The following THSD4 variants were observed in gnomAD, a reference collection of about 807,000 sequenced individuals.
The protein encoded by THSD4 is thrombospondin type-1 domain-containing protein 4.
Under a neutral mutation model 119.0 loss-of-function variants are expected in THSD4, and 69 were observed. The ratio of observed to expected loss-of-function variants is 0.58; its 90% confidence interval spans 0.48 to 0.71. THSD4 has a LOEUF of 0.71. THSD4 is among the 30% of genes least tolerant of loss of function. The probability of loss-of-function intolerance (pLI) is 0.00; values close to 1 mark genes in which losing one functional copy is unlikely to be tolerated. For missense variants in THSD4, 1,393 were observed against 1,391.1 expected (o/e 1.00, Z -0.02); for synonymous variants, 524 against 540.4 (o/e 0.97, Z 0.42).
intron 8 of THSD4, among the ~76,000 whole-genome samples, chr15:71,677,471 T>C (rs1384091676): frequency 6.6e-6 from 1 of 152,224 alleles, no homozygotes; most frequent in Non-Finnish European, 1.5e-5. Context: ...TGTTGTTTGT[T>C]TTAGCACTCC....
chr15:71,408,744 C>G (rs975330771), intron 6 of THSD4, among the ~76,000 whole-genome samples: 1 of 151,936 alleles, frequency 6.6e-6, no homozygotes, highest in South Asian at 2.1e-4. Context: ...CCCAGCTACT[C>G]GGGAGGCTGA....
At chr15:71,551,071 C>G (rs1268297557) in intron 7 of THSD4, among the ~76,000 whole-genome samples, 8 of 152,208 alleles carry the variant, frequency 5.3e-5, no homozygotes. Context: ...TAGGTCCTTT[C>G]CATCCTACTG....
intron 6 of THSD4, among the ~76,000 whole-genome samples, chr15:71,375,537 G>C (rs1263238095): frequency 6.6e-6 from 1 of 152,158 alleles, no homozygotes; most frequent in Non-Finnish European, 1.5e-5. Flanking sequence ...TTGCCTGTCT[G>C]TGTTACTCCT....
At chr15:71,428,248 G>A (rs1428560151) in intron 7 of THSD4, among the ~76,000 whole-genome samples, 5 of 152,292 alleles carry the variant, frequency 3.3e-5, no homozygotes, top group South Asian at 4.2e-4. Flanking sequence ...CACTTCTACA[G>A]GTACTGTTCC....
At chr15:71,693,795 G>T in intron 8 of THSD4, among the ~76,000 whole-genome samples, 1 of 152,022 alleles carries the variant, frequency 6.6e-6, no homozygotes, top group East Asian at 1.9e-4. Context: ...CTTTCACTTG[G>T]CTCCTACTCT....
At chr15:71,529,421 A>C (rs912319820) in intron 7 of THSD4, among the ~76,000 whole-genome samples, 7 of 152,224 alleles carry the variant, frequency 4.6e-5, no homozygotes, top group African/African-American at 1.7e-4. Context: ...AACAAATGTC[A>C]TAATTACTTA....
At chr15:71,699,216 T>TAATGTCAA (rs1234852222) in intron 8 of THSD4, among the ~76,000 whole-genome samples, 2 of 97,248 alleles carry the variant, frequency 2.1e-5, no homozygotes, top group African/African-American at 1.0e-4. Context: ...ACAGCTTTTT[T>TAATGTCAA]TTTTTTTTTT....
intron 3 of THSD4, among the ~76,000 whole-genome samples, chr15:71,193,382 A>G (rs1485446122): frequency 1.3e-5 from 2 of 152,172 alleles, no homozygotes; most frequent in Non-Finnish European, 2.9e-5. Flanking sequence ...CAATATTAAC[A>G]CGCATTACAC....
intron 8 of THSD4, among the ~76,000 whole-genome samples, chr15:71,679,273 G>A (rs2051719744): frequency 6.6e-6 from 1 of 152,166 alleles, no homozygotes; most frequent in African/African-American, 2.4e-5. Flanking sequence ...GGGGGAGGTG[G>A]TATTTAAACT....
chr15:71,532,283 A>AGAGAGTGTGTGT (rs1379506089), intron 7 of THSD4, among the ~76,000 whole-genome samples: 157 of 101,642 alleles, frequency 1.5e-3, no homozygotes, highest in East Asian at 2.5e-3. Context: ...AGAGAGAGAG[A>AGAGAGTGTGTGT]GTGTGTGTGT....
chr15:71,581,450 T>G (rs1165367455), intron 7 of THSD4, among the ~76,000 whole-genome samples: 2 of 152,174 alleles, frequency 1.3e-5, no homozygotes, highest in Non-Finnish European at 2.9e-5. Context: ...TCAGGATATA[T>G]GTTTTGCAAA....
At chr15:71,372,640 G>A (rs1325039705) in intron 6 of THSD4, among the ~76,000 whole-genome samples, 1 of 152,238 alleles carries the variant, frequency 6.6e-6, no homozygotes, top group Admixed American at 6.5e-5. Flanking sequence ...TCCTCTGGAA[G>A]CTTCGTCTCA....
chr15:71,690,252 G>C (rs2052018032), intron 8 of THSD4, among the ~76,000 whole-genome samples: 1 of 152,208 alleles, frequency 6.6e-6, no homozygotes, highest in African/African-American at 2.4e-5. Context: ...TGGTGGAACT[G>C]TCCTCTTTGG....
chr15:71,217,088 C>T (rs189776605), intron 4 of THSD4, among the ~76,000 whole-genome samples: 7 of 152,280 alleles, frequency 4.6e-5, no homozygotes, highest in East Asian at 3.9e-4. Context: ...TGAGCCACTG[C>T]GCCTGGCCCA....
At chr15:71,355,739 G>A (rs1031102455) in intron 6 of THSD4, among the ~76,000 whole-genome samples, 12 of 152,174 alleles carry the variant, frequency 7.9e-5, no homozygotes, top group African/African-American at 2.7e-4. Flanking sequence ...CCCAAAGAGC[G>A]TGCTGCTGGC....
chr15:71,547,598 T>A, intron 7 of THSD4: 1 of 1,166,660 alleles, frequency 8.6e-7, no homozygotes, highest in Non-Finnish European at 1.2e-6. Context: ...AGAGTAATGC[T>A]TTATATTACT....
chr15:71,388,674 G>GTC (rs2046326719), intron 6 of THSD4, among the ~76,000 whole-genome samples: 1 of 150,376 alleles, frequency 6.6e-6, no homozygotes, highest in Non-Finnish European at 1.5e-5. Context: ...GTGTGTGTGT[G>GTC]TGTGTGTGTG....
At chr15:71,170,908 G>A (rs2043354623) in intron 3 of THSD4, among the ~76,000 whole-genome samples, 1 of 152,082 alleles carries the variant, frequency 6.6e-6, no homozygotes, top group Admixed American at 6.5e-5. Flanking sequence ...AAAATATACT[G>A]GATGGGATTA....
chr15:71,417,081 A>G (rs1175808916), intron 7 of THSD4, among the ~76,000 whole-genome samples: 1 of 103,332 alleles, frequency 9.7e-6, no homozygotes, highest in Non-Finnish European at 2.1e-5. Context: ...AAATCAGATT[A>G]TTAGATATTT....
Sources: allele counts gnomAD v4.1 joint callset (sites outside exome capture counted in the v4.1 genomes callset), GRCh38; gene constraint gnomAD v4.1.1; transcripts MANE v1.5; gene names NCBI Gene and HGNC (gene_info 2026-07-23, HGNC 2026-07-21).